The following KHDRBS2 variants were observed in gnomAD, a reference collection of about 807,000 sequenced individuals.
The protein encoded by KHDRBS2 is KH RNA binding domain containing, signal transduction associated 2.
A neutral mutation model predicts 44.3 loss-of-function variants in KHDRBS2; 26 were observed. That is an observed-to-expected ratio of 0.59 (90% CI 0.43 to 0.81). The LOEUF (loss-of-function observed/expected upper bound fraction) is 0.81. Among genes scored for constraint, KHDRBS2 ranks in the 40% least tolerant of loss-of-function variants. The pLI is 0.00. For missense variants in KHDRBS2, 476 were observed against 433.1 expected (o/e 1.10, Z -0.88); for synonymous variants, 194 against 151.1 (o/e 1.28, Z -2.08).
intron 2 of KHDRBS2, among the ~76,000 whole-genome samples, chr6:62,171,111 C>T (rs1185853188): frequency 1.3e-5 from 2 of 152,072 alleles, no homozygotes; most frequent in African/African-American, 4.8e-5. Context: ...AACAATGGTT[C>T]TTAACCAGGC....
At chr6:61,895,444 A>G (rs1291834558) in intron 5 of KHDRBS2, among the ~76,000 whole-genome samples, 1 of 152,240 alleles carries the variant, frequency 6.6e-6, no homozygotes, top group Admixed American at 6.5e-5. Flanking sequence ...CTGATTTATC[A>G]TCATGCCTGT....
intron 3 of KHDRBS2, among the ~76,000 whole-genome samples, chr6:62,024,105 C>A (rs2127283290): frequency 6.6e-6 from 1 of 151,198 alleles, no homozygotes; most frequent in African/African-American, 2.4e-5. Context: ...ATCTTAATAT[C>A]TTTCTCATAA....
At chr6:61,644,984 A>G in the KHDRBS2 span, among the ~76,000 whole-genome samples, 1 of 152,106 alleles carries the variant, frequency 6.6e-6, no homozygotes, top group African/African-American at 2.4e-5. Context: ...CAAAAGAATA[A>G]AAATTATTCT....
At chr6:61,731,353 C>G (rs1489221659) in intron 7 of KHDRBS2, among the ~76,000 whole-genome samples, 1 of 152,004 alleles carries the variant, frequency 6.6e-6, no homozygotes, top group Non-Finnish European at 1.5e-5. Context: ...CTCTATTTAG[C>G]TTACTAGAAA....
At position 62,254,994 on chromosome 6, in the gene KHDRBS2, C is replaced by A. The variant is rs1837133066; in HGVS notation, c.91+30864G>T. ...TAAAAATATATTGCTGTTGTTTCTC[C>A]CATGAGTTCTTAAATATGTGCTGTG... On this transcript the variant is annotated intron_variant, in intron 1 of 8. Coordinates refer to ENST00000281156, the MANE Select transcript of KHDRBS2 (RefSeq NM_152688.4). 2.0e-5 allele frequency among the ~76,000 whole-genome samples: 3 copies of A among 151,958 alleles called. No individual in the cohort carries two copies. The South Asian group carries it at 6.2e-4, about 31-fold the overall frequency.
intron 1 of KHDRBS2, among the ~76,000 whole-genome samples, chr6:62,216,591 T>C (rs778957033): frequency 4.6e-5 from 7 of 151,558 alleles, no homozygotes; most frequent in Non-Finnish European, 8.9e-5. Flanking sequence ...GTCTTTATAA[T>C]GATGCACTGA....
At chr6:62,062,447 T>A (rs1584445157) in intron 2 of KHDRBS2, among the ~76,000 whole-genome samples, 2 of 151,316 alleles carry the variant, frequency 1.3e-5, no homozygotes, top group South Asian at 4.2e-4. Context: ...CACAGTGCAA[T>A]CAAACTAGAA....
At chr6:62,103,453 A>G (rs1281867860) in intron 2 of KHDRBS2, among the ~76,000 whole-genome samples, 1 of 152,144 alleles carries the variant, frequency 6.6e-6, no homozygotes, top group Non-Finnish European at 1.5e-5. Flanking sequence ...CTTGGTCACA[A>G]TGTTGTTCTG....
the KHDRBS2 span, among the ~76,000 whole-genome samples, chr6:61,582,185 A>G: frequency 6.6e-6 from 1 of 151,860 alleles, no homozygotes; most frequent in East Asian, 1.9e-4. Context: ...TAACTTAAAT[A>G]ATTAGACAAA....
the KHDRBS2 span, among the ~76,000 whole-genome samples, chr6:61,568,116 T>A: frequency 6.6e-6 from 1 of 152,296 alleles, no homozygotes; most frequent in Non-Finnish European, 1.5e-5. Flanking sequence ...TCAGTGTATA[T>A]TTTTGTTGAT....
chr6:61,687,332 G>A (rs890644701), intron 8 of KHDRBS2, among the ~76,000 whole-genome samples: 2 of 151,860 alleles, frequency 1.3e-5, no homozygotes, highest in East Asian at 3.9e-4. Context: ...TAGAAAAAAT[G>A]TATCACTTGG....
chr6:61,674,685 AT>A, the KHDRBS2 span, among the ~76,000 whole-genome samples: 1 of 151,828 alleles, frequency 6.6e-6, no homozygotes, highest in East Asian at 2.0e-4. Flanking sequence ...ATTTTCAATC[AT>A]TTACTTACTA....
At chr6:62,071,656 T>G (rs916368905) in intron 2 of KHDRBS2, among the ~76,000 whole-genome samples, 1 of 152,188 alleles carries the variant, frequency 6.6e-6, no homozygotes, top group Non-Finnish European at 1.5e-5. Flanking sequence ...GCTGTAGATA[T>G]GTGGCATTAT....
At chr6:61,641,144 A>G in the KHDRBS2 span, among the ~76,000 whole-genome samples, 7 of 152,070 alleles carry the variant, frequency 4.6e-5, no homozygotes, top group East Asian at 1.9e-4. Context: ...ATGCACCTCC[A>G]TTTTCCTATG....
intron 1 of KHDRBS2, among the ~76,000 whole-genome samples, chr6:62,279,882 C>T (rs1367091448): frequency 6.6e-6 from 1 of 152,114 alleles, no homozygotes; most frequent in African/African-American, 2.4e-5. Flanking sequence ...TGGAGAAAAG[C>T]CTGTTTGGCC....
chr6:61,832,309 G>A (rs1459994508), intron 6 of KHDRBS2, among the ~76,000 whole-genome samples: 8 of 152,138 alleles, frequency 5.3e-5, no homozygotes. Flanking sequence ...ATATGTTTAA[G>A]GATTGACTTT....
At chr6:61,590,704 A>G in the KHDRBS2 span, among the ~76,000 whole-genome samples, 1 of 152,180 alleles carries the variant, frequency 6.6e-6, no homozygotes, top group Non-Finnish European at 1.5e-5. Context: ...AGTACAGTCT[A>G]TAAGCCAAAC....
chr6:61,833,389 G>T (rs1357380607), intron 6 of KHDRBS2, among the ~76,000 whole-genome samples: 2 of 152,154 alleles, frequency 1.3e-5, no homozygotes, highest in African/African-American at 2.4e-5. Flanking sequence ...CTCCCAAATG[G>T]AATATTTTTG....
At chr6:62,118,862 C>T (rs9445954) in intron 2 of KHDRBS2, among the ~76,000 whole-genome samples, 77,565 of 152,036 alleles carry the variant, frequency 0.51, 20,126 homozygotes, top group Non-Finnish European at 0.55. Flanking sequence ...AGACTGAAGG[C>T]TGAACTGTCA....
Sources: gnomAD v4.1 joint callset for allele counts (sites outside exome capture counted in the v4.1 genomes callset) on GRCh38, gnomAD v4.1.1 for gene constraint, MANE v1.5 for transcripts, NCBI Gene and HGNC (gene_info 2026-07-23, HGNC 2026-07-21) for gene names.